Variants in SESN1 observed in about 807,000 individuals in gnomAD.
The protein encoded by SESN1 is sestrin-1.
A neutral mutation model predicts 59.3 loss-of-function variants in SESN1; 30 were observed. The observed-to-expected ratio is 0.51, with a 90% confidence interval of 0.38 to 0.69. The LOEUF (loss-of-function observed/expected upper bound fraction) is 0.69. SESN1 is among the 30% of genes least tolerant of loss of function. SESN1 has a pLI of 0.00. For missense variants in SESN1, 566 were observed against 673.0 expected (o/e 0.84, Z 1.76); for synonymous variants, 197 against 219.9 (o/e 0.90, Z 0.92).
chr6:108,986,985 T>C lies in SESN1; in HGVS notation c.*559A>G, dbSNP rs546042282. ...CTGAGCTGTGTGAGTAGGAATTCTA[T>C]GCTTTTTTAGATGCAAGAAAATTAA... On this transcript the variant is annotated 3_prime_UTR_variant, in exon 10 of 10. Coordinates refer to ENST00000436639, the MANE Select transcript of SESN1 (RefSeq NM_014454.3). The C allele has an allele frequency of 2.0e-5, 3 of 152,816 alleles. No individual in the cohort carries two copies. Among genetic ancestry groups the C allele is most frequent in the East Asian group, 3.9e-4 (2 of 5,186 alleles). The allele number at this position is 152,816 out of a possible 1,614,324, so 9.5% of individuals were successfully genotyped here. A position where few individuals can be genotyped will look rare whatever the true frequency, so the allele number is the denominator to read the frequency against.
At position 109,092,754 on chromosome 6, in the gene SESN1, A is replaced by G. The variant is rs559440069; in HGVS notation, c.279+1041T>C. On this transcript the variant is annotated intron_variant, in intron 1 of 9. Transcript: ENST00000436639. ...AAAGGGTAAACTTCAGTTACCTAGTATATTAATTCCTCTCGGGTAACTCTG... is the reference window on the plus strand; with the variant it reads ...AAAGGGTAAACTTCAGTTACCTAGTGTATTAATTCCTCTCGGGTAACTCTG... Among the ~76,000 whole-genome samples the G allele has an allele frequency of 1.2e-4, 18 of 152,314 alleles. 2 individuals are homozygous for G. In the South Asian group the frequency reaches 3.7e-3, roughly 32 times the overall value.
At chr6:109,067,027 C>G (rs934633569) in intron 1 of SESN1, among the ~76,000 whole-genome samples, 2 of 152,170 alleles carry the variant, frequency 1.3e-5, no homozygotes, top group Non-Finnish European at 2.9e-5. Context: ...TCAGACAGGC[C>G]TACTTTGAAA....
intron 1 of SESN1, among the ~76,000 whole-genome samples, chr6:109,081,768 C>T (rs1781126710): frequency 6.6e-6 from 1 of 152,176 alleles, no homozygotes; most frequent in African/African-American, 2.4e-5. Flanking sequence ...CCAGATATTA[C>T]CAAGCAAATT....
intron 1 of SESN1, among the ~76,000 whole-genome samples, chr6:109,037,062 T>C (rs1780260935): frequency 6.6e-6 from 1 of 152,208 alleles, no homozygotes. Flanking sequence ...ATAGCTGTTA[T>C]ATTCCTGATA....
At chr6:109,021,995 T>C (rs1171312783) in intron 1 of SESN1, among the ~76,000 whole-genome samples, 1 of 152,214 alleles carries the variant, frequency 6.6e-6, no homozygotes, top group Non-Finnish European at 1.5e-5. Context: ...ACTAGTCTTA[T>C]TTATTCATCA....
Position 108,995,199 on chromosome 6 carries a change from G to A in SESN1, c.973-590C>T, listed in dbSNP as rs544619586. ...CAATAATGTCATTACCATTTATGCTGTTTTAAACTACTTGTCAATTTAAAG... is the reference window on the plus strand; with the variant it reads ...CAATAATGTCATTACCATTTATGCTATTTTAAACTACTTGTCAATTTAAAG... On this transcript the variant is annotated intron_variant, in intron 5 of 9. Coordinates refer to ENST00000436639, the MANE Select transcript of SESN1 (RefSeq NM_014454.3). Among the ~76,000 whole-genome samples, 165 of 152,266 alleles carry A rather than the reference G, an allele frequency of 1.1e-3. 4 individuals carry two copies. The South Asian group carries it at 0.032, about 30-fold the overall frequency.
chr6:109,077,198 A>G (rs1781045885), intron 1 of SESN1, among the ~76,000 whole-genome samples: 1 of 152,196 alleles, frequency 6.6e-6, no homozygotes, highest in African/African-American at 2.4e-5. Flanking sequence ...ACTGTACTGT[A>G]TCACCCTACA....
At chr6:109,068,576 A>AAAGG (rs1780874209) in intron 1 of SESN1, among the ~76,000 whole-genome samples, 1 of 152,188 alleles carries the variant, frequency 6.6e-6, no homozygotes. Context: ...ATTGGTCAAA[A>AAAGG]AAGGACAGAC....
chr6:109,067,117 G>C (rs1302719856), intron 1 of SESN1, among the ~76,000 whole-genome samples: 1 of 152,112 alleles, frequency 6.6e-6, no homozygotes, highest in Non-Finnish European at 1.5e-5. Context: ...ATAACTTCAA[G>C]AGCCTATAGT....
chr6:109,090,862 T>A lies in SESN1; in HGVS notation c.279+2933A>T, dbSNP rs572303286. Among the ~76,000 whole-genome samples the A allele has an allele frequency of 9.2e-5, 14 of 152,308 alleles. No individual in the cohort carries two copies. The South Asian group carries it at 2.9e-3, about 32-fold the overall frequency. On this transcript the variant is annotated intron_variant, in intron 1 of 9. Coordinates refer to ENST00000436639, the MANE Select transcript of SESN1 (RefSeq NM_014454.3). ...ACAGCTCACTGCAACCTCGAACTCT[T>A]GGGCTCAAGCGATCCTCCTGCCTTA...
intron 1 of SESN1, among the ~76,000 whole-genome samples, chr6:109,004,002 G>C (rs772417106): frequency 2.0e-4 from 30 of 152,068 alleles, no homozygotes; most frequent in African/African-American, 6.5e-4. Flanking sequence ...TAAGAGACTT[G>C]GGACTTTAGT....
chr6:109,003,391 C>G (rs992797314), intron 1 of SESN1, among the ~76,000 whole-genome samples: 2 of 151,728 alleles, frequency 1.3e-5, no homozygotes, highest in Non-Finnish European at 2.9e-5. Context: ...GGTGGGTGCA[C>G]AGAGAGAAGG....
rs576680272 is a variant in SESN1 at position 109,007,040 on chromosome 6, T to C, written c.280-4697A>G. On this transcript the variant is annotated intron_variant, in intron 1 of 9. Transcript: ENST00000436639. ...TAACCTCACAGGCTCTCTGTGAAGG[T>C]GTGGCTGGAAGATTAACATGAGAAC... 6.9e-4 allele frequency among the ~76,000 whole-genome samples: 105 copies of C among 152,296 alleles called. 1 individual carries two copies. The South Asian group carries it at 0.014, about 20-fold the overall frequency.
chr6:109,047,682 A>G (rs1451021232), intron 1 of SESN1, among the ~76,000 whole-genome samples: 2 of 147,056 alleles, frequency 1.4e-5, no homozygotes, highest in East Asian at 4.0e-4. Flanking sequence ...AGATTGAGAA[A>G]TCGGATGGTT....
intron 1 of SESN1, among the ~76,000 whole-genome samples, chr6:109,068,806 C>T (rs370311093): frequency 5.3e-5 from 8 of 151,708 alleles, no homozygotes; most frequent in African/African-American, 1.5e-4. Flanking sequence ...CTGCAACCTC[C>T]GTCTCCTGGG....
intron 9 of SESN1, 40 bp downstream of exon 9, chr6:108,988,503 T>C: frequency 6.4e-7 from 1 of 1,555,338 alleles, no homozygotes; most frequent in South Asian, 1.2e-5. Context: ...TACGAATCAT[T>C]GCTAAGTTAC....
chr6:109,088,841 T>C (rs1260458479), intron 1 of SESN1, among the ~76,000 whole-genome samples: 1 of 152,184 alleles, frequency 6.6e-6, no homozygotes. Context: ...TTCTTCTTTT[T>C]AAAGTTTCTT....
At chr6:108,989,927 T>C (rs1450713171) in intron 8 of SESN1, among the ~76,000 whole-genome samples, 2 of 152,190 alleles carry the variant, frequency 1.3e-5, no homozygotes, top group South Asian at 2.1e-4. Flanking sequence ...CTAAAGTCAA[T>C]AGTCTGGCTA....
intron 1 of SESN1, among the ~76,000 whole-genome samples, chr6:109,010,861 C>G (rs888612567): frequency 3.2e-4 from 49 of 152,232 alleles, no homozygotes; most frequent in African/African-American, 1.2e-3. Context: ...TAAGCAAATA[C>G]AAAAACAAAA....
Sources: gnomAD v4.1 joint callset for allele counts (sites outside exome capture counted in the v4.1 genomes callset) on GRCh38, gnomAD v4.1.1 for gene constraint, MANE v1.5 for transcripts, NCBI Gene and HGNC (gene_info 2026-07-23, HGNC 2026-07-21) for gene names.